The following LYRM4 variants were observed in gnomAD, a reference collection of about 807,000 sequenced individuals.
LYRM4 encodes the protein LYR motif containing 4, also known as LYR motif-containing protein 4.
In LYRM4, 9 loss-of-function variants were observed where a neutral mutation model predicts 11.7. That is an observed-to-expected ratio of 0.77 (90% confidence interval 0.46 to 1.34). LYRM4 has a LOEUF of 1.34. Ranked by LOEUF, LYRM4 falls within the 40% of genes most tolerant of loss-of-function variation. The pLI is 0.00. For synonymous variants in LYRM4, 42 were observed against 40.4 expected (o/e 1.04, Z -0.15); for missense variants, 133 against 112.5 (o/e 1.18, Z -0.82).
chr6:5,135,008 G>A (rs1757007236), intron 2 of LYRM4, among the ~76,000 whole-genome samples: 1 of 122,310 alleles, frequency 8.2e-6, no homozygotes, highest in African/African-American at 3.3e-5. Context: ...ATCGCTCCCG[G>A]GGCTGTGGAG....
At chr6:5,049,966 C>T in the LYRM4 span, among the ~76,000 whole-genome samples, 1 of 152,170 alleles carries the variant, frequency 6.6e-6, no homozygotes, top group Non-Finnish European at 1.5e-5. Context: ...CCATGCCCGG[C>T]CTGGGCAGTG....
chr6:5,195,037 AT>A (rs1273587681), intron 2 of LYRM4, among the ~76,000 whole-genome samples: 1 of 152,256 alleles, frequency 6.6e-6, no homozygotes, highest in Non-Finnish European at 1.5e-5. Flanking sequence ...ATGTACATAC[AT>A]TTATTTAAAA....
intron 2 of LYRM4, among the ~76,000 whole-genome samples, chr6:5,199,591 A>G (rs528604203): frequency 1.3e-5 from 2 of 152,346 alleles, no homozygotes; most frequent in South Asian, 4.1e-4. Flanking sequence ...AGGGAAGAAC[A>G]GTCACTACCA....
intron 2 of LYRM4, among the ~76,000 whole-genome samples, chr6:5,144,494 G>A (rs955902827): frequency 4.0e-5 from 6 of 151,866 alleles, no homozygotes; most frequent in African/African-American, 9.7e-5. Context: ...AAAATTAGCC[G>A]GGCATGGCGG....
the LYRM4 span, among the ~76,000 whole-genome samples, chr6:5,057,190 C>T: frequency 6.6e-6 from 1 of 152,320 alleles, no homozygotes; most frequent in African/African-American, 2.4e-5. Flanking sequence ...ACCCAACCCC[C>T]CTTTCCCCAA....
chr6:5,176,365 C>T (rs762824872), intron 2 of LYRM4, among the ~76,000 whole-genome samples: 15 of 152,124 alleles, frequency 9.9e-5, no homozygotes, highest in African/African-American at 2.2e-4. Context: ...GCCTGGCCTA[C>T]GCTATTAAAT....
At chr6:5,040,737 G>A in the LYRM4 span, among the ~76,000 whole-genome samples, 2 of 152,080 alleles carry the variant, frequency 1.3e-5, no homozygotes, top group African/African-American at 4.8e-5. Context: ...TTATATGAAT[G>A]TACCAAAGTA....
At chr6:5,136,329 C>G (rs1757095221) in intron 2 of LYRM4, 1 of 985,422 alleles carries the variant, frequency 1.0e-6, no homozygotes, top group East Asian at 1.1e-4. Context: ...TAAATGATAA[C>G]TTGTCCCCTT....
chr6:5,253,547 AGCGACAACTT>A (rs1002948236), intron 1 of LYRM4, among the ~76,000 whole-genome samples: 4 of 152,216 alleles, frequency 2.6e-5, no homozygotes, highest in African/African-American at 4.8e-5. Flanking sequence ...AAAAAGCTGC[AGCGACAACTT>A]GCGACAACTC....
intron 2 of LYRM4, among the ~76,000 whole-genome samples, chr6:5,211,443 G>GA (rs1035371356): frequency 2.7e-5 from 4 of 150,136 alleles, no homozygotes; most frequent in Non-Finnish European, 4.4e-5. Flanking sequence ...TCTACAAAAG[G>GA]AAAAAAAAAG....
intron 1 of LYRM4, among the ~76,000 whole-genome samples, chr6:5,237,479 G>C (rs1581575661): frequency 6.6e-6 from 1 of 151,942 alleles, no homozygotes; most frequent in South Asian, 2.1e-4. Context: ...TCATTATATA[G>C]TACAATGTAA....
intron 2 of LYRM4, among the ~76,000 whole-genome samples, chr6:5,168,402 A>T (rs1759216313): frequency 1.3e-5 from 2 of 152,246 alleles, no homozygotes; most frequent in African/African-American, 4.8e-5. Flanking sequence ...ACGTGCCTGC[A>T]GATGTGACAG....
At chr6:5,247,703 C>A (rs766990729) in intron 1 of LYRM4, among the ~76,000 whole-genome samples, 1 of 151,864 alleles carries the variant, frequency 6.6e-6, no homozygotes, top group Non-Finnish European at 1.5e-5. Context: ...GGTGGTAAAC[C>A]CTTTCAGAAC....
At chr6:5,140,766 T>G (rs1407082063) in intron 2 of LYRM4, among the ~76,000 whole-genome samples, 5 of 152,250 alleles carry the variant, frequency 3.3e-5, no homozygotes, top group Non-Finnish European at 7.3e-5. Flanking sequence ...AGGTAAACTT[T>G]ATGTTACGTA....
At chr6:5,053,619 T>C in the LYRM4 span, among the ~76,000 whole-genome samples, 1 of 149,044 alleles carries the variant, frequency 6.7e-6, no homozygotes, top group Non-Finnish European at 1.5e-5. Context: ...CAGAATGAAA[T>C]CCTGTCTCTT....
chr6:5,047,033 A>G, the LYRM4 span, among the ~76,000 whole-genome samples: 1 of 152,164 alleles, frequency 6.6e-6, no homozygotes, highest in African/African-American at 2.4e-5. Context: ...TTGAGGTTTC[A>G]GTAAGCCATG....
At chr6:5,165,777 A>C (rs1759051416) in intron 2 of LYRM4, among the ~76,000 whole-genome samples, 1 of 152,100 alleles carries the variant, frequency 6.6e-6, no homozygotes, top group Non-Finnish European at 1.5e-5. Context: ...TCCTGACCTC[A>C]GGTGATCTAC....
chr6:5,201,321 G>T (rs923878551), intron 2 of LYRM4, among the ~76,000 whole-genome samples: 1 of 152,128 alleles, frequency 6.6e-6, no homozygotes, highest in Non-Finnish European at 1.5e-5. Context: ...GCAAGTGCAC[G>T]GGCAGGCTCA....
chr6:5,084,135 G>GT, the LYRM4 span, among the ~76,000 whole-genome samples: 1 of 152,254 alleles, frequency 6.6e-6, no homozygotes, highest in Non-Finnish European at 1.5e-5. Context: ...AACTCTGGGA[G>GT]TGGGGCCCTG....
Sources: gnomAD v4.1 joint callset for allele counts (sites outside exome capture counted in the v4.1 genomes callset) on GRCh38, gnomAD v4.1.1 for gene constraint, MANE v1.5 for transcripts, NCBI Gene and HGNC (gene_info 2026-07-23, HGNC 2026-07-21) for gene names.